The following SULT1B1 variants were observed in gnomAD, a reference collection of about 807,000 sequenced individuals.
SULT1B1 encodes the protein sulfotransferase family 1B member 1, also known as sulfotransferase 1B1.
A neutral mutation model predicts 34.6 loss-of-function variants in SULT1B1; 28 were observed. That is an observed-to-expected ratio of 0.81 (90% CI 0.60 to 1.11). The LOEUF (loss-of-function observed/expected upper bound fraction) is 1.11. SULT1B1 is among the 50% of genes least tolerant of loss of function. SULT1B1 has a pLI of 0.00. For missense variants in SULT1B1, 374 were observed against 352.2 expected (o/e 1.06, Z -0.50); for synonymous variants, 147 against 110.2 (o/e 1.33, Z -2.09).
intron 4 of SULT1B1, among the ~76,000 whole-genome samples, chr4:69,736,666 T>C (rs1718327211): frequency 6.6e-6 from 1 of 151,916 alleles, no homozygotes; most frequent in African/African-American, 2.4e-5. Flanking sequence ...AAGTTAAATA[T>C]ATGGAAATTA....
chr4:69,746,107 A>C (rs1003817452), intron 4 of SULT1B1, among the ~76,000 whole-genome samples: 14 of 152,268 alleles, frequency 9.2e-5, no homozygotes, highest in African/African-American at 3.4e-4. Context: ...TTTGTACATG[A>C]CCTGCCCCTT....
chr4:69,734,244 A>G lies in SULT1B1; in HGVS notation c.396T>C (p.Asn132=), dbSNP rs1718207493. The change falls in exon 5 of 8, where the codon AAT becomes AAC. Residue 132 remains asparagine (N), a synonymous_variant. Transcript: ENST00000310613. The part of the protein sequence containing the change: ...NNCKMIYLAR[N]AKDVSVSYYH... ...AATATGAGACTGAAACATCCTTGGC[A>G]TTACGAGCCAGATAAATCATCTGCA... 3.1e-6 allele frequency: 5 copies of G among 1,612,724 alleles called. No homozygotes were observed. In the South Asian group the frequency reaches 3.3e-5, roughly 11 times the overall value.
At chr4:69,733,161 T>C (rs1256726846) in intron 6 of SULT1B1, among the ~76,000 whole-genome samples, 1 of 152,066 alleles carries the variant, frequency 6.6e-6, no homozygotes, top group South Asian at 2.1e-4. Flanking sequence ...CTGGTAAATA[T>C]AGGAAATAAT....
chr4:69,759,777 CTATT>C (rs1278598663), intron 1 of SULT1B1, among the ~76,000 whole-genome samples: 5 of 152,064 alleles, frequency 3.3e-5, no homozygotes, highest in Non-Finnish European at 7.4e-5. Flanking sequence ...AAGGAACAGG[CTATT>C]TAAAGTAGTT....
In SULT1B1 at chr4:69,721,254, A is replaced by G. The variant is rs1453801199; in HGVS notation, c.*5834T>C. On this transcript the variant is annotated 3_prime_UTR_variant, in exon 8 of 8. Transcript: ENST00000310613. ...TGAAAGTAATGTCTCGATAATGTGG[A>G]AATTTTACATATATATATAAAACAG... The G allele has an allele frequency of 2.0e-5, 3 of 152,162 alleles. No individual in the cohort carries two copies. Among genetic ancestry groups the G allele is most frequent in the Non-Finnish European group, 4.4e-5 (3 of 68,018 alleles). 9.4% of individuals were successfully genotyped at this position (152,162 alleles called of 1,614,324 possible).
chr4:69,749,922 A>C, intron 3 of SULT1B1, 104 bp from the exon 4 acceptor site: 3 of 750,904 alleles, frequency 4.0e-6, no homozygotes, highest in Non-Finnish European at 7.0e-6. Context: ...GCATTATGTA[A>C]TGCAGATAAA....
chr4:69,756,018 A>G (rs576523772), intron 1 of SULT1B1, among the ~76,000 whole-genome samples: 25 of 151,964 alleles, frequency 1.6e-4, no homozygotes, highest in Non-Finnish European at 7.4e-5. Context: ...CTCTATTGCT[A>G]TGTCTTTGTA....
rs1347599938 is a variant in SULT1B1 at position 69,725,274 on chromosome 4, T to A, written c.*1814A>T. 6.6e-6 allele frequency: 1 copy of A among 152,044 alleles called. No individual in the cohort carries two copies. Among genetic ancestry groups the A allele is most frequent in the Admixed American group, 6.6e-5 (1 of 15,250 alleles). 9.4% of individuals were successfully genotyped at this position (152,044 alleles called of 1,614,324 possible). A position where few individuals can be genotyped will look rare whatever the true frequency, so the allele number is the denominator to read the frequency against. ...AGCCAACAGACACATGAAAAAATGCTCATCATCACTGGCCATCAGGGAAAT... is the reference window on the plus strand; with the variant it reads ...AGCCAACAGACACATGAAAAAATGCACATCATCACTGGCCATCAGGGAAAT... On this transcript the variant is annotated 3_prime_UTR_variant, in exon 8 of 8. Coordinates refer to ENST00000310613, the MANE Select transcript of SULT1B1 (RefSeq NM_014465.4).
At chr4:69,728,651 A>AGGAAGGAT (rs772121253) in intron 7 of SULT1B1, among the ~76,000 whole-genome samples, 1 of 151,740 alleles carries the variant, frequency 6.6e-6, no homozygotes, top group Non-Finnish European at 1.5e-5. Context: ...GAAGGAAGGA[A>AGGAAGGAT]GAACGGAAGA....
chr4:69,754,689 G>A lies in SULT1B1; in HGVS notation c.258C>T (p.Leu86=). 1 of 1,612,992 alleles carries A rather than the reference G, an allele frequency of 6.2e-7. No individual in the cohort carries two copies. The highest frequency in any genetic ancestry group is 1.3e-5 in the African/African-American group (1 of 74,974). Residue 86 remains leucine, a synonymous_variant, in exon 3 of 8, where the codon CTC becomes CTT. Coordinates refer to ENST00000310613, the MANE Select transcript of SULT1B1 (RefSeq NM_014465.4). ...TEKVPMLEMT[L]PGLRTSGIEQ... The stretch of plus-strand genomic sequence containing the variant: ...ATTTACCTGATGTTCTTAATCCAGG[G>A]AGAGTCATTTCCAACATTGGAACTT...
chr4:69,754,745 C>T lies in SULT1B1; in HGVS notation c.202G>A (p.Glu68Lys), dbSNP rs761640326. 57 of 1,613,010 alleles carry T rather than the reference C, an allele frequency of 3.5e-5. No homozygotes were observed. Among genetic ancestry groups the T allele is most frequent in the Admixed American group, 1.2e-4 (7 of 59,972 alleles). ...GTAATAAAACCTCGCTTACATTTTT[C>T]AATATCTCCATCATTTAGAATCATG... ...IDMILNDGDIEKCKRGFITEK... is the reference protein window; with the variant it reads ...IDMILNDGDIKKCKRGFITEK... Residue 68 changes from glutamate to lysine, a missense_variant, in exon 3 of 8, where the codon GAA becomes AAA. Coordinates refer to ENST00000310613, the MANE Select transcript of SULT1B1 (RefSeq NM_014465.4).
intron 4 of SULT1B1, among the ~76,000 whole-genome samples, chr4:69,741,481 G>T (rs928880441): frequency 2.0e-5 from 3 of 152,082 alleles, no homozygotes; most frequent in African/African-American, 7.2e-5. Context: ...GGGCAGTATG[G>T]TCATCTTAAC....
intron 4 of SULT1B1, among the ~76,000 whole-genome samples, chr4:69,744,497 C>T (rs964800467): frequency 6.6e-6 from 1 of 152,200 alleles, no homozygotes; most frequent in African/African-American, 2.4e-5. Context: ...CCCACTGCAG[C>T]CGATGTGATG....
chr4:69,728,392 T>C (rs1029870601), intron 7 of SULT1B1, among the ~76,000 whole-genome samples: 5 of 152,040 alleles, frequency 3.3e-5, no homozygotes, highest in African/African-American at 1.2e-4. Context: ...ATAACATTGA[T>C]TTATCTAATA....
Position 69,723,890 on chromosome 4 carries a change from C to T in SULT1B1, c.*3198G>A, listed in dbSNP as rs967636001. ...GAATGTATCTCAAAATAAGGAGAGCCCTCTATGACAAACCACCAGCCAATA... is the reference window on the plus strand; with the variant it reads ...GAATGTATCTCAAAATAAGGAGAGCTCTCTATGACAAACCACCAGCCAATA... On this transcript the variant is annotated 3_prime_UTR_variant, in exon 8 of 8. Coordinates refer to ENST00000310613, the MANE Select transcript of SULT1B1 (RefSeq NM_014465.4). 2 of 151,962 alleles carry T rather than the reference C, an allele frequency of 1.3e-5. No homozygotes were observed. Among genetic ancestry groups the T allele is most frequent in the African/African-American group, 4.8e-5 (2 of 41,390 alleles). The allele number at this position is 151,962 out of a possible 1,614,324, so 9.4% of individuals were successfully genotyped here.
At position 69,721,969 on chromosome 4, in the gene SULT1B1, T is replaced by C. The variant is rs1717677218; in HGVS notation, c.*5119A>G. 1 of 152,064 alleles carries C rather than the reference T, an allele frequency of 6.6e-6. No individual in the cohort carries two copies. Among genetic ancestry groups the C allele is most frequent in the South Asian group, 2.1e-4 (1 of 4,828 alleles). The allele number at this position is 152,064 out of a possible 1,614,324, so 9.4% of individuals were successfully genotyped here. On this transcript the variant is annotated 3_prime_UTR_variant, in exon 8 of 8. Coordinates refer to ENST00000310613, the MANE Select transcript of SULT1B1 (RefSeq NM_014465.4). ...AGGAGAAATAACGATAAAAGCATTG[T>C]TTTAGAAAAATTAATTTTGCAGTAT... is the stretch of plus-strand genomic sequence containing the variant.
intron 3 of SULT1B1, among the ~76,000 whole-genome samples, chr4:69,752,472 A>T (rs746545587): frequency 2.6e-5 from 4 of 152,228 alleles, no homozygotes; most frequent in Non-Finnish European, 5.9e-5. Flanking sequence ...TTAAGTGTTT[A>T]AAGGAGCTTA....
chr4:69,734,852 C>T (rs1328268078), intron 4 of SULT1B1, among the ~76,000 whole-genome samples: 2 of 146,620 alleles, frequency 1.4e-5, no homozygotes, highest in Non-Finnish European at 3.0e-5. Flanking sequence ...TTTGAGACGC[C>T]CTGTCGCCCA....
Position 69,753,488 on chromosome 4 carries a change from T to A in SULT1B1, c.277+1182A>T, listed in dbSNP as rs145023964. On this transcript the variant is annotated intron_variant, in intron 3 of 7. Transcript: ENST00000310613. ...TCTTGGAATAAAATGAGAAAATGTT[T>A]TAAGAATTACAAGTCCTACATGGTC... Among the ~76,000 whole-genome samples, 40 of 152,318 alleles carry A rather than the reference T, an allele frequency of 2.6e-4. 1 individual carries two copies. The East Asian group carries it at 7.5e-3, about 29-fold the overall frequency.
Sources: allele counts gnomAD v4.1 joint callset (sites outside exome capture counted in the v4.1 genomes callset), GRCh38; gene constraint gnomAD v4.1.1; transcripts MANE v1.5; gene names NCBI Gene and HGNC (gene_info 2026-07-23, HGNC 2026-07-21).